NAPG: variants seen among roughly 807,000 people sequenced by gnomAD.
NAPG encodes the protein NSF attachment protein gamma.
Under a neutral mutation model 48.4 loss-of-function variants are expected in NAPG, and 25 were observed. The ratio of observed to expected loss-of-function variants is 0.52; its 90% CI spans 0.38 to 0.72. NAPG has a LOEUF of 0.72. NAPG is among the 30% of genes least tolerant of loss of function. The probability of loss-of-function intolerance (pLI) is 0.00; values close to 1 mark genes in which losing one functional copy is unlikely to be tolerated. For missense variants in NAPG, 359 were observed against 372.5 expected, an observed-to-expected ratio of 0.96 and a Z score of 0.30; for synonymous variants, 139 against 127.2, an observed-to-expected ratio of 1.09 and a Z score of -0.62.
rs55712689 is a variant in NAPG at position 10,540,824 on chromosome 18, C to T, written c.506+425C>T. ...ATTATTAGAATATTTACCTTGTTAT[C>T]GTTTCACATATGACCTGAAGCACAA... On this transcript the variant is annotated intron_variant, in intron 8 of 11. Coordinates refer to ENST00000322897, the MANE Select transcript of NAPG (RefSeq NM_003826.3). The T allele has an allele frequency of 3.6e-3, 548 of 153,528 alleles. 3 individuals carry two copies. Among genetic ancestry groups the T allele is most frequent in the South Asian group, 0.019 (92 of 4,850 alleles). The allele number at this position is 153,528 out of a possible 1,614,324, so 9.5% of individuals were successfully genotyped here.
rs1386200325 is a variant in NAPG, at chr18:10,552,013, A to G, written c.*1793A>G. On this transcript the variant is annotated 3_prime_UTR_variant, in exon 12 of 12. Coordinates refer to ENST00000322897, the MANE Select transcript of NAPG (RefSeq NM_003826.3). ...TTGCAGCTTGTATCCTTTAGATCCAATCGGAAACTTCTGGAGTCTTACATT... is the reference window on the plus strand; with the variant it reads ...TTGCAGCTTGTATCCTTTAGATCCAGTCGGAAACTTCTGGAGTCTTACATT... 2.0e-5 allele frequency: 3 copies of G among 152,206 alleles called. No homozygotes were observed. Among genetic ancestry groups the G allele is most frequent in the African/African-American group, 4.8e-5 (2 of 41,462 alleles). The allele number at this position is 152,206 out of a possible 1,614,324, so 9.4% of individuals were successfully genotyped here.
intron 2 of NAPG, among the ~76,000 whole-genome samples, chr18:10,532,255 CA>C (rs1340277375): frequency 1.3e-5 from 2 of 151,948 alleles, no homozygotes. Context: ...AAGATTGTGC[CA>C]AAAGGAAGGT....
chr18:10,547,911 T>TC (rs76352970), intron 9 of NAPG, among the ~76,000 whole-genome samples: 14,966 of 152,106 alleles, frequency 0.098, 983 homozygotes, highest in East Asian at 0.24. Flanking sequence ...GTGTTACGGG[T>TC]CCCCCCCACT....
chr18:10,540,377 A>C lies in NAPG; in HGVS notation c.484A>C (p.Arg162=). 1 of 1,613,626 alleles carries C rather than the reference A, an allele frequency of 6.2e-7. No individual in the cohort carries two copies. Among genetic ancestry groups the C allele is most frequent in the Non-Finnish European group, 8.5e-7 (1 of 1,179,642 alleles). ...AGTTGAATTACTAGGAAAAGCCTCC[A>C]GACTACTAGTACGAGGACGTAGGTA... is the stretch of plus-strand genomic sequence containing the variant. ...QAVELLGKAS[R]LLVRGRRFDE... The change falls in exon 8 of 12, where the codon AGA becomes CGA. Residue 162 remains arginine, a synonymous_variant. Transcript: ENST00000322897.
At position 10,544,086 on chromosome 18, in the gene NAPG, C is replaced by T. The variant is rs191874848; in HGVS notation, c.507-2240C>T. Among the ~76,000 whole-genome samples the T allele has an allele frequency of 2.0e-5, 3 of 152,292 alleles. No homozygotes were observed. The East Asian group carries it at 5.8e-4, about 29-fold the overall frequency. On this transcript the variant is annotated intron_variant, in intron 8 of 11. Coordinates refer to ENST00000322897, the MANE Select transcript of NAPG (RefSeq NM_003826.3). This position sits in a 1 kb window ranked among gnomAD's most constrained non-coding sequence, Gnocchi z 5.1. ...ATAGAATGATATAATCTAGACACGA[C>T]GGGCACAGAATATTCTGACCATAAT...
At chr18:10,527,202 A>G (rs916842504) in intron 1 of NAPG, among the ~76,000 whole-genome samples, 3 of 123,312 alleles carry the variant, frequency 2.4e-5, no homozygotes, top group South Asian at 2.9e-4. Context: ...AAAAAAAAAA[A>G]AAAGAAAAGA....
At position 10,534,746 on chromosome 18, in the gene NAPG, A is replaced by G. The variant is rs1242952962; in HGVS notation, c.258+250A>G. On this transcript the variant is annotated intron_variant, in intron 5 of 11. Transcript: ENST00000322897. The surrounding 1 kb of genome is among the most constrained non-coding windows in gnomAD (Gnocchi z 5.0). Reference sequence around the variant, plus strand: ...TGGGAACACTAATGTTCTAAGCTCTATAACCAGGATAGATGTGTATTGCTA... The same window carrying G: ...TGGGAACACTAATGTTCTAAGCTCTGTAACCAGGATAGATGTGTATTGCTA... Among the ~76,000 whole-genome samples, 2 of 152,260 alleles carry G rather than the reference A, an allele frequency of 1.3e-5. No individual in the cohort carries two copies. Among genetic ancestry groups the G allele is most frequent in the Non-Finnish European group, 2.9e-5 (2 of 68,040 alleles).
chr18:10,539,187 C>T lies in NAPG; in HGVS notation c.259-575C>T, dbSNP rs750771856. On this transcript the variant is annotated intron_variant, in intron 5 of 11. Transcript: ENST00000322897. The surrounding 1 kb of genome is among the most constrained non-coding windows in gnomAD (Gnocchi z 4.7). Reference sequence around the variant, plus strand: ...AGGAACATAAATCATTCTATAGAAACGTATGTTTATACAGTAAACACGTAT... The same window carrying T: ...AGGAACATAAATCATTCTATAGAAATGTATGTTTATACAGTAAACACGTAT... The T allele has an allele frequency of 2.0e-5, 3 of 152,218 alleles. No homozygotes were observed. Among genetic ancestry groups the T allele is most frequent in the African/African-American group, 7.2e-5 (3 of 41,404 alleles). The allele number at this position is 152,218 out of a possible 1,614,324, so 9.4% of individuals were successfully genotyped here.
intron 11 of NAPG, among the ~76,000 whole-genome samples, 197 bp from the exon 12 acceptor site, chr18:10,549,879 CT>C (rs1412399600): frequency 6.6e-6 from 1 of 151,848 alleles, no homozygotes; most frequent in East Asian, 1.9e-4. Context: ...ATAATTGAAA[CT>C]TTTACTAGTT....
chr18:10,528,218 A>G (rs2031860155), intron 1 of NAPG, among the ~76,000 whole-genome samples: 1 of 151,986 alleles, frequency 6.6e-6, no homozygotes. Context: ...GAAAAGAAAA[A>G]GAAATGTGGC....
rs1026692318 is a variant in NAPG, at chr18:10,548,232, A to G, written c.586-67A>G. 3.4e-6 allele frequency: 4 copies of G among 1,192,396 alleles called. No individual in the cohort carries two copies. Among genetic ancestry groups the G allele is most frequent in the East Asian group, 2.3e-5 (1 of 42,856 alleles). The allele number at this position is 1,192,396 out of a possible 1,614,324, so 73.9% of individuals were successfully genotyped here. ...GAAAGTTAAACTCCAGGTGTTTTCA[A>G]TACTGCCAGGTTATTGACTTTATTA... is the stretch of plus-strand genomic sequence containing the variant. On this transcript the variant is annotated intron_variant, in intron 9 of 11. Transcript: ENST00000322897. The surrounding 1 kb of genome is among the most constrained non-coding windows in gnomAD (Gnocchi z 4.4).
rs2143105403 is a variant in NAPG at position 10,534,914 on chromosome 18, A to G, written c.258+418A>G. On this transcript the variant is annotated intron_variant, in intron 5 of 11. Coordinates refer to ENST00000322897, the MANE Select transcript of NAPG (RefSeq NM_003826.3). This position sits in a 1 kb window ranked among gnomAD's most constrained non-coding sequence, Gnocchi z 5.0. ...TGAATAACAGTTGGCAGCAGAAACA[A>G]CCACAGATTTAAGCTTTTGCTACTT... Among the ~76,000 whole-genome samples, 1 of 152,362 alleles carries G rather than the reference A, an allele frequency of 6.6e-6. No individual in the cohort carries two copies. Among genetic ancestry groups the G allele is most frequent in the South Asian group, 2.1e-4 (1 of 4,830 alleles).
rs1229430817 is a variant in NAPG at position 10,552,521 on chromosome 18, G to A, written c.*2301G>A. On this transcript the variant is annotated 3_prime_UTR_variant, in exon 12 of 12. Coordinates refer to ENST00000322897, the MANE Select transcript of NAPG (RefSeq NM_003826.3). Reference sequence around the variant, plus strand: ...CTTTCACCAAAGTGGAAGTTTGCATGAATATGCTCAGAATCTAATATTCAA... The same window carrying A: ...CTTTCACCAAAGTGGAAGTTTGCATAAATATGCTCAGAATCTAATATTCAA... 1 of 152,218 alleles carries A rather than the reference G, an allele frequency of 6.6e-6. No homozygotes were observed. 9.4% of individuals were successfully genotyped at this position (152,218 alleles called of 1,614,324 possible). A position where few individuals can be genotyped will look rare whatever the true frequency, so the allele number is the denominator to read the frequency against.
At position 10,546,475 on chromosome 18, in the gene NAPG, A is replaced by T. The variant is rs1043468994; in HGVS notation, c.585+71A>T. On this transcript the variant is annotated intron_variant, in intron 9 of 11. Coordinates refer to ENST00000322897, the MANE Select transcript of NAPG (RefSeq NM_003826.3). This position sits in a 1 kb window ranked among gnomAD's most constrained non-coding sequence, Gnocchi z 4.0. ...TTTATACTGGTATGAATAAGTACTT[A>T]AGAAAGGATTCTATGGGTATTTCTA... The T allele has an allele frequency of 2.4e-6, 2 of 838,438 alleles. No individual in the cohort carries two copies. The highest frequency in any genetic ancestry group is 3.6e-6 in the Non-Finnish European group (2 of 551,128). 51.9% of individuals were successfully genotyped at this position (838,438 alleles called of 1,614,324 possible). A position where few individuals can be genotyped will look rare whatever the true frequency, so the allele number is the denominator to read the frequency against.
rs904106580 is a variant in NAPG, at chr18:10,534,076, G to A, written c.228-390G>A. On this transcript the variant is annotated intron_variant, in intron 4 of 11. Coordinates refer to ENST00000322897, the MANE Select transcript of NAPG (RefSeq NM_003826.3). This position sits in a 1 kb window ranked among gnomAD's most constrained non-coding sequence, Gnocchi z 5.0. ...GCAGGAGACTTGCTTGAACCTGGGA[G>A]ATGGAGGTTGCAGTGAGCTGAGATC... is the stretch of plus-strand genomic sequence containing the variant. 6.6e-6 allele frequency among the ~76,000 whole-genome samples: 1 copy of A among 152,166 alleles called. No homozygotes were observed. The highest frequency in any genetic ancestry group is 6.5e-5 in the Admixed American group (1 of 15,278).
chr18:10,541,727 T>C (rs964126187), intron 8 of NAPG, among the ~76,000 whole-genome samples: 1 of 152,166 alleles, frequency 6.6e-6, no homozygotes, highest in Non-Finnish European at 1.5e-5. Flanking sequence ...AGCCCCTTAC[T>C]ATAAGACCCC....
At chr18:10,526,242 G>GCTTTCCCCC in intron 1 of NAPG, 84 bp downstream of exon 1, 1 of 694,532 alleles carries the variant, frequency 1.4e-6, no homozygotes, top group Non-Finnish European at 2.5e-6. Context: ...GGGGGGGCGG[G>GCTTTCCCCC]AGGGAGGGCT....
rs775485648 is a variant in NAPG, at chr18:10,526,055, G to A, written c.-48G>A. 5 of 1,576,994 alleles carry A rather than the reference G, an allele frequency of 3.2e-6. No homozygotes were observed. Among genetic ancestry groups the A allele is most frequent in the Admixed American group, 3.3e-5 (2 of 59,782 alleles). ...TTTGGGCGGATTCTTGGCGCCGGAG[G>A]AAGAGGCAGGGTCACCCTCTCTCCA... On this transcript the variant is annotated 5_prime_UTR_variant, in exon 1 of 12. Transcript: ENST00000322897.
In NAPG at chr18:10,551,646, T is replaced by C. The variant is rs1598414499; in HGVS notation, c.*1426T>C. The C allele has an allele frequency of 6.6e-6, 1 of 152,222 alleles. No individual in the cohort carries two copies. The highest frequency in any genetic ancestry group is 1.5e-5 in the Non-Finnish European group (1 of 68,044). 9.4% of individuals were successfully genotyped at this position (152,222 alleles called of 1,614,324 possible). ...ATCCATGCCCTGTCTCTGTCTCTTTTAGAGTCATACCTTATTTGAGTATAG... is the reference window on the plus strand; with the variant it reads ...ATCCATGCCCTGTCTCTGTCTCTTTCAGAGTCATACCTTATTTGAGTATAG... On this transcript the variant is annotated 3_prime_UTR_variant, in exon 12 of 12. Coordinates refer to ENST00000322897, the MANE Select transcript of NAPG (RefSeq NM_003826.3).
Sources: allele counts gnomAD v4.1 joint callset (sites outside exome capture counted in the v4.1 genomes callset), GRCh38; gene constraint gnomAD v4.1.1; non-coding constraint Gnocchi (gnomAD v3.1); transcripts MANE v1.5; gene names NCBI Gene and HGNC (gene_info 2026-07-23, HGNC 2026-07-21).